The following FUT8 variants were observed in gnomAD, a reference collection of about 807,000 sequenced individuals.
The protein encoded by FUT8 is fucosyltransferase 8.
A neutral mutation model predicts 71.3 loss-of-function variants in FUT8; 29 were observed. The observed-to-expected ratio is 0.41, with a 90% CI of 0.30 to 0.55. FUT8 has a LOEUF of 0.55. FUT8 is among the 20% of genes least tolerant of loss of function. The pLI is 0.34. For synonymous variants in FUT8, 254 were observed against 239.3 expected, an observed-to-expected ratio of 1.06 and a Z score of -0.57; for missense variants, 544 against 702.1, an observed-to-expected ratio of 0.77 and a Z score of 2.55.
chr14:65,461,750 T>TA (rs1290926836), intron 2 of FUT8, among the ~76,000 whole-genome samples: 2 of 151,974 alleles, frequency 1.3e-5, no homozygotes, highest in Admixed American at 1.3e-4. Flanking sequence ...AGACAATGAG[T>TA]ATTGCCAAGG....
Position 65,631,641 on chromosome 14 carries a change from A to AT in FUT8, c.597+2046dup, listed in dbSNP as rs11330042. 1.7e-3 allele frequency among the ~76,000 whole-genome samples: 256 copies of AT among 150,478 alleles called. 6 individuals are homozygous for AT. The South Asian group carries it at 0.025, about 15-fold the overall frequency. On this transcript the variant is annotated intron_variant, in intron 6 of 10. Coordinates refer to ENST00000673929, the MANE Select transcript of FUT8 (RefSeq NM_001371533.1). ...TTCCCCCCATTGGAAGGAAAAGGTG[A>AT]TTTTTTTTTTTAATTTTCAAGGAGA...
chr14:65,433,786 T>TTCTCTC (rs71126744), intron 1 of FUT8, among the ~76,000 whole-genome samples: 10,853 of 144,866 alleles, frequency 0.075, 741 homozygotes, highest in East Asian at 0.29. Flanking sequence ...CTTCTGTCTC[T>TTCTCTC]TCTCTCTCTC....
intron 1 of FUT8, among the ~76,000 whole-genome samples, chr14:65,426,739 C>T (rs1357869841): frequency 6.6e-6 from 1 of 152,152 alleles, no homozygotes. Flanking sequence ...GCCTTTGACT[C>T]AAAATAGTCA....
At chr14:65,683,919 G>A (rs1893156915) in intron 7 of FUT8, among the ~76,000 whole-genome samples, 2 of 151,944 alleles carry the variant, frequency 1.3e-5, no homozygotes, top group South Asian at 4.1e-4. Flanking sequence ...TAATGTGTAT[G>A]TGGGCAAATC....
chr14:65,431,270 G>C (rs894037819), intron 1 of FUT8, among the ~76,000 whole-genome samples: 2 of 149,830 alleles, frequency 1.3e-5, no homozygotes, highest in Non-Finnish European at 3.0e-5. Context: ...CCAAAGTGTG[G>C]GATTACAGGT....
intron 1 of FUT8, among the ~76,000 whole-genome samples, chr14:65,455,320 A>G (rs2065881379): frequency 6.6e-6 from 1 of 152,208 alleles, no homozygotes; most frequent in African/African-American, 2.4e-5. Context: ...AAGATAGACA[A>G]AGTTAAAGAA....
At chr14:65,501,810 G>C (rs939935272) in intron 2 of FUT8, among the ~76,000 whole-genome samples, 3 of 152,066 alleles carry the variant, frequency 2.0e-5, no homozygotes, top group African/African-American at 7.3e-5. Flanking sequence ...TTAATGCTGA[G>C]GGTTTGGAAG....
chr14:65,631,914 T>C (rs1169029986), intron 6 of FUT8, among the ~76,000 whole-genome samples: 1 of 152,044 alleles, frequency 6.6e-6, no homozygotes, highest in Admixed American at 6.5e-5. Context: ...GTGTCCTCAT[T>C]AGCTTAGCTC....
In FUT8 at chr14:65,412,907, C is replaced by T. The variant is rs1222346376; in HGVS notation, c.-633C>T. Reference sequence around the variant, plus strand: ...CCCCAGCCGACCCGTCCCTTCGTCTCCCCGCGGAATGGGGCCGGCACTGCT... The same window carrying T: ...CCCCAGCCGACCCGTCCCTTCGTCTTCCCGCGGAATGGGGCCGGCACTGCT... On this transcript the variant is annotated 5_prime_UTR_variant, in exon 1 of 11. Transcript: ENST00000673929. 6.4e-6 allele frequency: 1 copy of T among 157,012 alleles called. No individual in the cohort carries two copies. Among genetic ancestry groups the T allele is most frequent in the East Asian group, 1.9e-4 (1 of 5,182 alleles). 9.7% of individuals were successfully genotyped at this position (157,012 alleles called of 1,614,324 possible). A position where few individuals can be genotyped will look rare whatever the true frequency, so the allele number is the denominator to read the frequency against.
At chr14:65,545,205 G>A (rs138381427) in intron 2 of FUT8, among the ~76,000 whole-genome samples, 17 of 151,696 alleles carry the variant, frequency 1.1e-4, no homozygotes, top group African/African-American at 3.1e-4. Context: ...CCCTTTTCCC[G>A]TATAGGGAGC....
the FUT8 span, among the ~76,000 whole-genome samples, chr14:65,359,274 G>A: frequency 9.8e-4 from 149 of 152,264 alleles, 5 homozygotes; most frequent in Non-Finnish European, 5.3e-4. Context: ...GCTGCCCGTC[G>A]AAAATGAGAG....
intron 7 of FUT8, among the ~76,000 whole-genome samples, chr14:65,680,976 A>G (rs2300871): frequency 2.0e-5 from 3 of 152,128 alleles, no homozygotes; most frequent in Admixed American, 6.5e-5. Context: ...TTTTACTGAT[A>G]TACTGGGAAC....
chr14:65,406,717 T>A (rs2065090185), upstream of FUT8, among the ~76,000 whole-genome samples: 3 of 152,228 alleles, frequency 2.0e-5, no homozygotes, highest in South Asian at 4.2e-4. Context: ...TGTATTTTTT[T>A]AGTAGAGACA....
intron 3 of FUT8, among the ~76,000 whole-genome samples, chr14:65,592,203 T>C (rs924780696): frequency 2.6e-5 from 4 of 152,162 alleles, no homozygotes; most frequent in African/African-American, 9.7e-5. Context: ...GGTTTTGTGT[T>C]ATAATTGTTC....
intron 2 of FUT8, among the ~76,000 whole-genome samples, chr14:65,553,637 A>G (rs1885417482): frequency 6.7e-6 from 1 of 148,796 alleles, no homozygotes; most frequent in African/African-American, 2.5e-5. Context: ...AAGAGTTTTG[A>G]TTTTGCCTTT....
chr14:65,553,405 AT>A, intron 2 of FUT8, among the ~76,000 whole-genome samples: 1 of 152,216 alleles, frequency 6.6e-6, no homozygotes, highest in Non-Finnish European at 1.5e-5. Flanking sequence ...CCAGTGATAC[AT>A]TATTGCCATT....
intron 7 of FUT8, among the ~76,000 whole-genome samples, chr14:65,711,129 T>A (rs189338928): frequency 3.9e-5 from 6 of 152,134 alleles, no homozygotes; most frequent in Non-Finnish European, 7.4e-5. Context: ...CGACATGAGA[T>A]TAGGAGGGGG....
At chr14:65,648,435 T>G (rs922794306) in intron 6 of FUT8, among the ~76,000 whole-genome samples, 13 of 152,178 alleles carry the variant, frequency 8.5e-5, no homozygotes, top group African/African-American at 3.1e-4. Flanking sequence ...CAGTTATTTT[T>G]TTCCATTTTT....
chr14:65,549,965 G>A (rs1339088967), intron 2 of FUT8, among the ~76,000 whole-genome samples: 1 of 152,210 alleles, frequency 6.6e-6, no homozygotes, highest in Non-Finnish European at 1.5e-5. Flanking sequence ...GGAGGCTGAG[G>A]CAGGAGAATC....
Sources: allele counts gnomAD v4.1 joint callset (sites outside exome capture counted in the v4.1 genomes callset), GRCh38; gene constraint gnomAD v4.1.1; transcripts MANE v1.5; gene names NCBI Gene and HGNC (gene_info 2026-07-23, HGNC 2026-07-21).